Variants in DAPK1 observed in about 807,000 individuals in gnomAD.
DAPK1 encodes the protein death associated protein kinase 1.
In DAPK1, 56 loss-of-function variants were observed where a neutral mutation model predicts 144.9. The observed-to-expected ratio is 0.39, with a 90% CI of 0.31 to 0.48. The LOEUF (loss-of-function observed/expected upper bound fraction) is 0.48. Among genes scored for constraint, DAPK1 ranks in the 20% least tolerant of loss-of-function variants. The pLI is 0.95. For synonymous variants in DAPK1, 690 were observed against 749.0 expected, an observed-to-expected ratio of 0.92 and a Z score of 1.29; for missense variants, 1,454 against 1,875.4, an observed-to-expected ratio of 0.78 and a Z score of 4.15.
intron 2 of DAPK1, among the ~76,000 whole-genome samples, chr9:87,512,689 G>A (rs1411953669): frequency 6.6e-6 from 1 of 152,154 alleles, no homozygotes; most frequent in East Asian, 1.9e-4. Flanking sequence ...TGTCGCCCAG[G>A]CTGGAGTACA....
intron 19 of DAPK1, among the ~76,000 whole-genome samples, chr9:87,669,936 G>C (rs917319565): frequency 6.6e-6 from 1 of 152,164 alleles, no homozygotes; most frequent in South Asian, 2.1e-4. Flanking sequence ...TGGCCTCAGA[G>C]GCACTGAGCA....
At chr9:87,656,764 A>C (rs1200475713) in intron 17 of DAPK1, among the ~76,000 whole-genome samples, 1 of 152,138 alleles carries the variant, frequency 6.6e-6, no homozygotes, top group African/African-American at 2.4e-5. Context: ...TTCCCAATCT[A>C]CTGTTAGGTG....
Position 87,509,890 on chromosome 9 carries a change from G to A in DAPK1, c.62+10751G>A, listed in dbSNP as rs563011253. On this transcript the variant is annotated intron_variant, in intron 2 of 25. Transcript: ENST00000408954. ...AGGAGGCCTCTTTCTCACTTGCTCC[G>A]TTCCTTTGCCATTCATGGAGGCAGT... Among the ~76,000 whole-genome samples, 36 of 152,280 alleles carry A rather than the reference G, an allele frequency of 2.4e-4. 1 individual carries two copies. In the South Asian group the frequency reaches 7.2e-3, roughly 31 times the overall value.
chr9:87,587,148 G>T (rs991030830), intron 2 of DAPK1, among the ~76,000 whole-genome samples: 1 of 152,178 alleles, frequency 6.6e-6, no homozygotes, highest in Non-Finnish European at 1.5e-5. Context: ...GGGCAGATGG[G>T]GCCAGTCTGG....
Position 87,703,088 on chromosome 9 carries a change from GA to G in DAPK1, c.2933del (p.Lys978SerfsTer8). 1 of 1,599,312 alleles carries G rather than the reference GA, an allele frequency of 6.3e-7. No homozygotes were observed. Among genetic ancestry groups the G allele is most frequent in the Non-Finnish European group, 8.6e-7 (1 of 1,166,516 alleles). ...TCATCTCCACGCTGCCTTCCTGGAG[GA>G]AGCTCAATGGACCCAACCAGCTGAT... ...KIISTLPSWR[K>X]LNGPNQLMSL... is the part of the protein sequence containing the mutation. On this transcript the variant is annotated frameshift_variant, in exon 25 of 26. Transcript: ENST00000408954. LOFTEE classifies it high-confidence loss of function.
chr9:87,634,946 A>G (rs996949337), intron 3 of DAPK1, among the ~76,000 whole-genome samples: 1 of 152,196 alleles, frequency 6.6e-6, no homozygotes, highest in African/African-American at 2.4e-5. Context: ...AGCAGCATTT[A>G]TTGAGCACTA....
chr9:87,682,877 G>T (rs1824691493), intron 20 of DAPK1, among the ~76,000 whole-genome samples: 8 of 152,140 alleles, frequency 5.3e-5, no homozygotes, highest in Admixed American at 5.2e-4. Flanking sequence ...GCCTGAGCCA[G>T]TGCTTGTCAA....
At chr9:87,654,719 T>C (rs185509561) in intron 17 of DAPK1, among the ~76,000 whole-genome samples, 325 of 152,310 alleles carry the variant, frequency 2.1e-3, no homozygotes, top group African/African-American at 7.3e-3. Context: ...TCTGCACTTA[T>C]TTGACTCTCT....
At chr9:87,508,045 C>T (rs114821956) in intron 2 of DAPK1, among the ~76,000 whole-genome samples, 9,884 of 152,228 alleles carry the variant, frequency 0.065, 366 homozygotes, top group South Asian at 0.11. Flanking sequence ...CGGAGTGTCG[C>T]TCTGTCACCC....
intron 22 of DAPK1, among the ~76,000 whole-genome samples, chr9:87,697,851 G>C (rs1429307979): frequency 1.3e-5 from 2 of 152,184 alleles, no homozygotes; most frequent in African/African-American, 4.8e-5. Context: ...CTACTTCAGG[G>C]GCTGAGGCAG....
chr9:87,667,105 C>A (rs1316590705), intron 18 of DAPK1, among the ~76,000 whole-genome samples: 1 of 152,130 alleles, frequency 6.6e-6, no homozygotes, highest in Non-Finnish European at 1.5e-5. Flanking sequence ...TAATGGAGAA[C>A]CCCTTCTCTT....
At chr9:87,692,178 A>G (rs924683403) in intron 21 of DAPK1, among the ~76,000 whole-genome samples, 2 of 151,942 alleles carry the variant, frequency 1.3e-5, no homozygotes, top group African/African-American at 2.4e-5. Context: ...ATGGATACAT[A>G]TATGTTTAGA....
chr9:87,699,619 A>G (rs1049972581), intron 23 of DAPK1, among the ~76,000 whole-genome samples: 6 of 152,240 alleles, frequency 3.9e-5, no homozygotes, highest in South Asian at 2.1e-4. Flanking sequence ...ATAATATGCT[A>G]GTATCTCTGA....
At chr9:87,655,235 C>T (rs1375306509) in intron 17 of DAPK1, among the ~76,000 whole-genome samples, 1 of 152,334 alleles carries the variant, frequency 6.6e-6, no homozygotes, top group Admixed American at 6.5e-5. Context: ...CACACAAGCT[C>T]TGCATCTCTG....
chr9:87,522,786 C>G (rs561407901), intron 2 of DAPK1, among the ~76,000 whole-genome samples: 1 of 152,312 alleles, frequency 6.6e-6, no homozygotes, highest in South Asian at 2.1e-4. Flanking sequence ...TTCGCTGTCT[C>G]ACAGCTGCTT....
chr9:87,531,780 T>G (rs544826462), intron 2 of DAPK1, among the ~76,000 whole-genome samples: 3 of 152,334 alleles, frequency 2.0e-5, no homozygotes, highest in African/African-American at 7.2e-5. Context: ...CATAAAGGAA[T>G]GTCCACAGAA....
intron 18 of DAPK1, among the ~76,000 whole-genome samples, chr9:87,660,250 G>C (rs1564054970): frequency 6.6e-6 from 1 of 152,050 alleles, no homozygotes; most frequent in Non-Finnish European, 1.5e-5. Context: ...GGGAACCGGG[G>C]CTTCCTCTCC....
intron 3 of DAPK1, among the ~76,000 whole-genome samples, chr9:87,633,934 A>C (rs1477299919): frequency 6.6e-6 from 1 of 152,204 alleles, no homozygotes; most frequent in East Asian, 1.9e-4. Flanking sequence ...GAAGAGGAGA[A>C]GGGGGCAGGA....
rs1830388252 is a variant in DAPK1 at position 87,649,948 on chromosome 9, G to T, written c.1456G>T (p.Ala486Ser). The change falls in exon 16 of 26, where the codon GCT becomes TCT. Residue 486 changes from alanine (A) to serine (S), a missense_variant. By Grantham distance (99) the Ala-to-Ser change is moderately conservative (BLOSUM62 1). Around this residue, in one of 2 missense-constraint regions of DAPK1, gnomAD observed 429 missense variants for 637.5 expected, o/e 0.67. Transcript: ENST00000408954. Reference sequence around the variant, plus strand: ...AGAAGAAACCCCCCTGCACTGTGCTGCTTGGCACGGCTATTACTCTGTGGC... The same window carrying T: ...AGAAGAAACCCCCCTGCACTGTGCTTCTTGGCACGGCTATTACTCTGTGGC... The part of the protein sequence containing the change: ...KEEETPLHCA[A>S]WHGYYSVAKA... The T allele has an allele frequency of 1.2e-6, 2 of 1,614,188 alleles. No individual in the cohort carries two copies. The highest frequency in any genetic ancestry group is 2.2e-5 in the East Asian group (1 of 44,872).
Sources: allele counts gnomAD v4.1 joint callset (sites outside exome capture counted in the v4.1 genomes callset), GRCh38; gene constraint gnomAD v4.1.1; regional missense constraint gnomAD v4.1.1; transcripts MANE v1.5; gene names NCBI Gene and HGNC (gene_info 2026-07-23, HGNC 2026-07-21).